The following OGDH variants were observed in gnomAD, a reference collection of about 807,000 sequenced individuals.
OGDH encodes 2-oxoglutarate dehydrogenase complex component E1.
Under a neutral mutation model 116.6 loss-of-function variants are expected in OGDH, and 38 were observed. The observed-to-expected ratio is 0.33, with a 90% CI of 0.25 to 0.43. The LOEUF (loss-of-function observed/expected upper bound fraction) is 0.43. Among genes scored for constraint, OGDH ranks in the 20% least tolerant of loss-of-function variants. OGDH has a pLI of 1.00. For missense variants in OGDH, 825 were observed against 1,357.2 expected (o/e 0.61, Z 6.16); for synonymous variants, 488 against 533.3 (o/e 0.92, Z 1.17).
chr7:44,673,043 C>T (rs1787538570), intron 5 of OGDH, among the ~76,000 whole-genome samples: 1 of 152,100 alleles, frequency 6.6e-6, no homozygotes, highest in Non-Finnish European at 1.5e-5. Context: ...ATGCTGCTTC[C>T]TCACCCAGCT....
intron 12 of OGDH, among the ~76,000 whole-genome samples, chr7:44,695,069 CAG>C (rs1788521080): frequency 6.6e-6 from 1 of 152,010 alleles, no homozygotes; most frequent in African/African-American, 2.4e-5. Context: ...ATGCTGGAGA[CAG>C]AGCTTTGTGA....
intron 1 of OGDH, among the ~76,000 whole-genome samples, chr7:44,623,846 A>G (rs12112513): frequency 2.1e-3 from 316 of 152,256 alleles, no homozygotes; most frequent in African/African-American, 7.0e-3. Context: ...TGGTTTCACC[A>G]TGTTGGCCAG....
At chr7:44,652,113 GT>G (rs59287756) in intron 4 of OGDH, among the ~76,000 whole-genome samples, 13 of 145,776 alleles carry the variant, frequency 8.9e-5, no homozygotes, top group Non-Finnish European at 1.1e-4. Flanking sequence ...ACAGAGATAA[GT>G]TTTTTTTTTT....
intron 20 of OGDH, among the ~76,000 whole-genome samples, chr7:44,706,637 T>C (rs1789087618): frequency 6.7e-6 from 1 of 149,406 alleles, no homozygotes. Context: ...TTTTTTTTTT[T>C]TTGTCTGGAG....
At chr7:44,616,807 G>A (rs139957452) in intron 1 of OGDH, among the ~76,000 whole-genome samples, 62,023 of 126,674 alleles carry the variant, frequency 0.49, 14,360 homozygotes, top group East Asian at 0.64. Flanking sequence ...GTATATATAT[G>A]CATATATACG....
In OGDH at chr7:44,707,981, C is replaced by T; in HGVS notation, c.3054C>T (p.Val1018=). The T allele has an allele frequency of 6.2e-7, 1 of 1,613,488 alleles. No individual in the cohort carries two copies. The highest frequency in any genetic ancestry group is 8.5e-7 in the Non-Finnish European group (1 of 1,179,974). The part of the protein sequence containing the change: ...RLLDTAFDLD[V]FKNFS ...TGGACACGGCCTTCGACCTGGACGT[C>T]TTCAAGAACTTCTCGTAGATGCTGC... is the stretch of plus-strand genomic sequence containing the variant. The change falls in exon 23 of 23, where the codon GTC becomes GTT. Residue 1018 remains valine (V), a synonymous_variant. Coordinates refer to ENST00000222673, the MANE Select transcript of OGDH (RefSeq NM_002541.4). This position sits in a 1 kb window ranked among gnomAD's most constrained non-coding sequence, Gnocchi z 5.2.
intron 4 of OGDH, among the ~76,000 whole-genome samples, chr7:44,648,001 G>A (rs1448473124): frequency 6.6e-6 from 1 of 152,214 alleles, no homozygotes; most frequent in Non-Finnish European, 1.5e-5. Context: ...AGAAAGGTTT[G>A]TGGCACAGGG....
chr7:44,641,215 T>TA (rs1375860797), intron 2 of OGDH, among the ~76,000 whole-genome samples: 3 of 140,172 alleles, frequency 2.1e-5, no homozygotes, highest in Non-Finnish European at 3.0e-5. Context: ...TCTTCTTTTT[T>TA]TTTTTTTTTC....
At chr7:44,627,217 G>T (rs1305778256) in intron 2 of OGDH, among the ~76,000 whole-genome samples, 1 of 152,172 alleles carries the variant, frequency 6.6e-6, no homozygotes. Context: ...GGCTGGTCTT[G>T]AACTCCTGGC....
intron 10 of OGDH, among the ~76,000 whole-genome samples, chr7:44,683,271 T>G (rs2116247644): frequency 6.6e-6 from 1 of 152,368 alleles, no homozygotes; most frequent in South Asian, 2.1e-4. Context: ...GCCCCATAGC[T>G]CACGCTGGAG....
chr7:44,685,406 A>G (rs1009954353), intron 10 of OGDH, among the ~76,000 whole-genome samples: 7 of 152,208 alleles, frequency 4.6e-5, no homozygotes, highest in African/African-American at 1.4e-4. Flanking sequence ...ACTTAGCAGA[A>G]TGTCCTCAAG....
At chr7:44,655,863 C>T (rs1415628653) in intron 4 of OGDH, among the ~76,000 whole-genome samples, 2 of 152,130 alleles carry the variant, frequency 1.3e-5, no homozygotes, top group African/African-American at 2.4e-5. Context: ...CAAAATCTTA[C>T]GGTTTAGAGT....
intron 9 of OGDH, 128 bp downstream of exon 9, chr7:44,676,277 C>T (rs924993499): frequency 2.3e-5 from 35 of 1,544,100 alleles, no homozygotes; most frequent in African/African-American, 6.9e-5. Flanking sequence ...TAAAGTCGGC[C>T]GGGCGCAGTG....
At chr7:44,692,550 A>C (rs888711476) in intron 10 of OGDH, among the ~76,000 whole-genome samples, 1 of 152,228 alleles carries the variant, frequency 6.6e-6, no homozygotes, top group Admixed American at 6.5e-5. Flanking sequence ...TTGGTCCACT[A>C]ACAAATATGG....
chr7:44,620,334 T>C (rs1017411503), intron 1 of OGDH, among the ~76,000 whole-genome samples: 1 of 152,260 alleles, frequency 6.6e-6, no homozygotes, highest in Non-Finnish European at 1.5e-5. Flanking sequence ...TTTTTTATTT[T>C]GATGAAATCC....
chr7:44,680,431 G>C (rs1193079337), intron 9 of OGDH, among the ~76,000 whole-genome samples: 1 of 152,050 alleles, frequency 6.6e-6, no homozygotes, highest in African/African-American at 2.4e-5. Context: ...CAGTGAGGAT[G>C]GAGTGTCTTG....
intron 2 of OGDH, among the ~76,000 whole-genome samples, chr7:44,642,277 A>T (rs1785976829): frequency 6.6e-6 from 1 of 152,184 alleles, no homozygotes; most frequent in Non-Finnish European, 1.5e-5. Context: ...TAAAAAAATT[A>T]GCCATGCGTG....
intron 10 of OGDH, among the ~76,000 whole-genome samples, chr7:44,689,392 CTTTTTTTTTTTTT>C (rs561058807): frequency 9.8e-5 from 7 of 71,268 alleles, no homozygotes; most frequent in African/African-American, 3.5e-4. Context: ...ATTTTTTTTT[CTTTTTTTTTTTTT>C]TTTTTTTTTT....
chr7:44,642,249 C>G (rs1257671552), intron 2 of OGDH, among the ~76,000 whole-genome samples: 1 of 152,020 alleles, frequency 6.6e-6, no homozygotes, highest in Non-Finnish European at 1.5e-5. Context: ...AACCTCATCT[C>G]CACAAAAAAA....
Sources: allele counts gnomAD v4.1 joint callset (sites outside exome capture counted in the v4.1 genomes callset), GRCh38; gene constraint gnomAD v4.1.1; non-coding constraint Gnocchi (gnomAD v3.1); transcripts MANE v1.5; gene names NCBI Gene and HGNC (gene_info 2026-07-23, HGNC 2026-07-21).